KLF8: variants seen among roughly 807,000 people sequenced by gnomAD.
KLF8 encodes the protein Krueppel-like factor 8.
A neutral mutation model predicts 18.2 loss-of-function variants in KLF8; 10 were observed. That is an observed-to-expected ratio of 0.55 (90% confidence interval 0.34 to 0.93). The LOEUF (loss-of-function observed/expected upper bound fraction) is 0.93. Among genes scored for constraint, KLF8 ranks in the 40% least tolerant of loss-of-function variants. The probability of loss-of-function intolerance (pLI) is 0.02; values close to 1 mark genes in which losing one functional copy is unlikely to be tolerated. For synonymous variants in KLF8, 109 were observed against 97.3 expected (o/e 1.12, Z -0.71); for missense variants, 264 against 277.9 (o/e 0.95, Z 0.36).
At chrX:56,160,597 G>A in the KLF8 span, among the ~76,000 whole-genome samples, 1 of 111,420 alleles carries the variant, frequency 9.0e-6, no homozygotes, top group Non-Finnish European at 1.9e-5. Context: ...TATATATTTA[G>A]GATAGTTAGC....
chrX:56,029,398 T>A, the KLF8 span, among the ~76,000 whole-genome samples: 30 of 111,581 alleles, frequency 2.7e-4, no homozygotes, highest in South Asian at 1.2e-3. Context: ...AGTCACTTTA[T>A]GTCCTTCTAT....
chrX:56,050,913 G>A, the KLF8 span, among the ~76,000 whole-genome samples: 73 of 108,983 alleles, frequency 6.7e-4, no homozygotes, highest in African/African-American at 2.2e-3. Flanking sequence ...AAGTCTCTTT[G>A]TAGGTCACTC....
At chrX:55,968,559 A>T in the KLF8 span, among the ~76,000 whole-genome samples, 1 of 111,765 alleles carries the variant, frequency 8.9e-6, no homozygotes, top group Admixed American at 9.5e-5. Flanking sequence ...TAATCCCCAC[A>T]TGTCATGGGA....
chrX:56,163,553 C>G, the KLF8 span, among the ~76,000 whole-genome samples: 1 of 111,669 alleles, frequency 9.0e-6, no homozygotes, highest in Non-Finnish European at 1.9e-5. Flanking sequence ...TCTGTTTACA[C>G]CCTTGATAGT....
the KLF8 span, among the ~76,000 whole-genome samples, chrX:56,193,689 A>G: frequency 0.026 from 2,949 of 111,974 alleles, 115 homozygotes; most frequent in African/African-American, 0.09. Context: ...ATTGGAAGCT[A>G]TTATGCTAAG....
Position 56,286,620 on chromosome X carries a change from C to T in KLF8, c.*2126C>T, listed in dbSNP as rs1173660539. ...ATTGCCGTATAACATTAGGCACACG[C>T]TTCTAACACTTCTATAATATCTAGA... On this transcript the variant is annotated 3_prime_UTR_variant, in exon 6 of 6. Transcript: ENST00000468660. 1 of 112,531 alleles carries T rather than the reference C, an allele frequency of 8.9e-6. No individual in the cohort carries two copies. The highest frequency in any genetic ancestry group is 1.9e-5 in the Non-Finnish European group (1 of 53,322). The allele number at this position is 112,531 out of a possible 1,213,427, so 9.3% of individuals were successfully genotyped here.
chrX:56,135,353 A>G, the KLF8 span, among the ~76,000 whole-genome samples: 40 of 111,634 alleles, frequency 3.6e-4, 1 homozygote, highest in Admixed American at 4.8e-4. Flanking sequence ...CATATACACC[A>G]TGGAATACTA....
chrX:56,194,096 T>A, the KLF8 span, among the ~76,000 whole-genome samples: 1 of 110,681 alleles, frequency 9.0e-6, no homozygotes, highest in Non-Finnish European at 1.9e-5. Context: ...TGGGGAGGTG[T>A]TCCAAGATGG....
chrX:56,231,125 C>T (rs965029828), upstream of KLF8, among the ~76,000 whole-genome samples: 49 of 111,928 alleles, frequency 4.4e-4, no homozygotes, highest in Non-Finnish European at 2.6e-4. Context: ...AGCAAAATCT[C>T]TGCTGCTTGA....
chrX:56,076,839 G>A, the KLF8 span, among the ~76,000 whole-genome samples: 2 of 112,051 alleles, frequency 1.8e-5, no homozygotes, highest in South Asian at 3.7e-4. Flanking sequence ...CATTCTAACT[G>A]ATGTGAGATG....
At chrX:56,034,256 A>G in the KLF8 span, among the ~76,000 whole-genome samples, 1 of 112,329 alleles carries the variant, frequency 8.9e-6, no homozygotes, top group African/African-American at 3.2e-5. Context: ...ACCCAACATC[A>G]TTTATTAAAA....
chrX:55,954,128 T>C, the KLF8 span, among the ~76,000 whole-genome samples: 1 of 110,724 alleles, frequency 9.0e-6, no homozygotes, highest in East Asian at 2.8e-4. Context: ...GATAACCCAA[T>C]TAAATTATCC....
chrX:56,159,219 G>C, the KLF8 span, among the ~76,000 whole-genome samples: 117 of 112,075 alleles, frequency 1.0e-3, no homozygotes, highest in African/African-American at 3.7e-3. Flanking sequence ...AACCAGTCTT[G>C]CATCCCAGGG....
Position 56,233,274 on chromosome X carries a change from G to T in KLF8, c.-61G>T, listed in dbSNP as rs760845168. On this transcript the variant is annotated 5_prime_UTR_variant, in exon 1 of 6. Coordinates refer to ENST00000468660, the MANE Select transcript of KLF8 (RefSeq NM_007250.5). The stretch of plus-strand genomic sequence containing the variant: ...CAGCTCTCTTGCGATCAGCTCAGGA[G>T]TATGAGCCTCCCGGAGGACGGCATG... 6 of 1,199,900 alleles carry T rather than the reference G, an allele frequency of 5.0e-6. No individual in the cohort carries two copies. The highest frequency in any genetic ancestry group is 6.8e-6 in the Non-Finnish European group (6 of 885,349).
At chrX:56,280,191 C>T (rs2067181768) in intron 5 of KLF8, among the ~76,000 whole-genome samples, 1 of 112,192 alleles carries the variant, frequency 8.9e-6, no homozygotes. Context: ...ACAATGGCAT[C>T]ACCCATTTTC....
chrX:56,134,915 C>T, the KLF8 span, among the ~76,000 whole-genome samples: 2 of 111,443 alleles, frequency 1.8e-5, no homozygotes, highest in Non-Finnish European at 3.8e-5. Context: ...TGAAAAAATG[C>T]TCAGCATCAC....
chrX:55,962,571 G>T, the KLF8 span: 1 of 138,310 alleles, frequency 7.2e-6, no homozygotes, highest in South Asian at 2.0e-4. Context: ...GAAGGTGGAT[G>T]GTGGTGAGTA....
At chrX:56,156,733 C>G in the KLF8 span, among the ~76,000 whole-genome samples, 2 of 104,081 alleles carry the variant, frequency 1.9e-5, no homozygotes, top group East Asian at 6.3e-4. Flanking sequence ...CTACCCACCC[C>G]CCACAACAGG....
the KLF8 span, among the ~76,000 whole-genome samples, chrX:56,083,809 A>G: frequency 6.3e-5 from 7 of 111,209 alleles, no homozygotes; most frequent in African/African-American, 2.3e-4. Context: ...CATGTGAGGG[A>G]TCTATGTTGC....
Sources: allele counts gnomAD v4.1 joint callset (sites outside exome capture counted in the v4.1 genomes callset), GRCh38; gene constraint gnomAD v4.1.1; transcripts MANE v1.5; gene names NCBI Gene and HGNC (gene_info 2026-07-23, HGNC 2026-07-21).